Variants in SHCBP1L observed in about 807,000 individuals in gnomAD.
SHCBP1L encodes the protein SHC binding and spindle associated 1 like, also known as testicular spindle-associated protein SHCBP1L.
Under a neutral mutation model 62.5 loss-of-function variants are expected in SHCBP1L, and 67 were observed. That is an observed-to-expected ratio of 1.07 (90% CI 0.88 to 1.31). The LOEUF (loss-of-function observed/expected upper bound fraction) is 1.31, where lower values mean the gene tolerates loss of function less well. Among genes scored for constraint, SHCBP1L ranks in the 40% most tolerant of loss-of-function variants. SHCBP1L has a pLI of 0.00. For missense variants in SHCBP1L, 823 were observed against 809.8 expected, an observed-to-expected ratio of 1.02 and a Z score of -0.20; for synonymous variants, 284 against 289.4, an observed-to-expected ratio of 0.98 and a Z score of 0.19.
chr1:182,922,452 G>A (rs1650555485), intron 6 of SHCBP1L, among the ~76,000 whole-genome samples: 1 of 151,834 alleles, frequency 6.6e-6, no homozygotes, highest in Non-Finnish European at 1.5e-5. Context: ...TACTTGGGAG[G>A]CCAAGGCAGG....
intron 2 of SHCBP1L, among the ~76,000 whole-genome samples, chr1:182,950,908 T>C (rs1651722593): frequency 6.6e-6 from 1 of 151,808 alleles, no homozygotes; most frequent in Admixed American, 6.6e-5. Context: ...AAATTTCAAA[T>C]TTTCCCAGTA....
rs539399750 is a variant in SHCBP1L, at chr1:182,952,805, C to T, written c.329G>A (p.Cys110Tyr). 2 of 1,612,648 alleles carry T rather than the reference C, an allele frequency of 1.2e-6. No homozygotes were observed. The highest frequency in any genetic ancestry group is 2.7e-5 in the African/African-American group (2 of 74,676). Residue 110 changes from cysteine to tyrosine, a missense_variant, in exon 1 of 10, where the codon TGC becomes TAC. Cys to Tyr is a radical substitution (Grantham distance 194). Transcript: ENST00000367547. Reference sequence around the variant, plus strand: ...CCACATCCCCCTCATACGGGACACGCAGACTGGGGGCAGGGGCTGCGCCTC... The same window carrying T: ...CCACATCCCCCTCATACGGGACACGTAGACTGGGGGCAGGGGCTGCGCCTC... Reference protein sequence around the residue: ...EEEAQPLPPVCVSRMRGMWRD... With the variant: ...EEEAQPLPPVYVSRMRGMWRD...
chr1:182,948,513 G>C (rs1651643297), intron 2 of SHCBP1L, among the ~76,000 whole-genome samples: 1 of 152,176 alleles, frequency 6.6e-6, no homozygotes, highest in African/African-American at 2.4e-5. Flanking sequence ...ACAGAATGCA[G>C]GCTGCTTCTA....
chr1:182,900,392 A>G (rs1013573971), intron 9 of SHCBP1L, among the ~76,000 whole-genome samples, 158 bp from the exon 10 acceptor site: 1 of 152,180 alleles, frequency 6.6e-6, no homozygotes, highest in Non-Finnish European at 1.5e-5. Flanking sequence ...TACTGTTTTC[A>G]TGACACCAAC....
intron 2 of SHCBP1L, chr1:182,942,112 C>T (rs1651389386): frequency 1.1e-6 from 1 of 890,950 alleles, no homozygotes; most frequent in African/African-American, 1.7e-5. Context: ...ATTAATCAGA[C>T]TTGGCTTCTT....
At chr1:182,905,410 CAAT>C in intron 7 of SHCBP1L, 83 bp downstream of exon 7, 1 of 1,304,446 alleles carries the variant, frequency 7.7e-7, no homozygotes, top group Non-Finnish European at 1.1e-6. Context: ...TTGTAATTTC[CAAT>C]AATTCCATTA....
intron 8 of SHCBP1L, 37 bp downstream of exon 8, chr1:182,904,133 TGTCATCTATA>T: frequency 6.3e-7 from 1 of 1,580,992 alleles, no homozygotes; most frequent in Non-Finnish European, 8.6e-7. Context: ...CACTCAAAGC[TGTCATCTATA>T]GTCATATAAG....
intron 2 of SHCBP1L, chr1:182,942,285 C>T (rs1217490410): frequency 1.6e-5 from 17 of 1,094,430 alleles, no homozygotes; most frequent in Non-Finnish European, 2.4e-5. Context: ...TCCTTCGCTG[C>T]TGCCTTTTTC....
In SHCBP1L at chr1:182,940,377, C is replaced by A; in HGVS notation, c.722G>T (p.Gly241Val). 6.2e-7 allele frequency: 1 copy of A among 1,613,956 alleles called. No homozygotes were observed. Among genetic ancestry groups the A allele is most frequent in the Non-Finnish European group, 8.5e-7 (1 of 1,179,936 alleles). ...AATAACATGTATATCAGTATCTTGT[C>A]CCTCAACAGGATACACTTCCAAAAG... Reference protein sequence around the residue: ...VPLLEVYPVEGQDTDIHVIAL... With the variant: ...VPLLEVYPVEVQDTDIHVIAL... Residue 241 changes from glycine (G) to valine (V), a missense_variant, in exon 3 of 10, where the codon GGA becomes GTA. Gly to Val is a moderately radical substitution (Grantham distance 109). Coordinates refer to ENST00000367547, the MANE Select transcript of SHCBP1L (RefSeq NM_030933.4).
chr1:182,904,621 C>A lies in SHCBP1L; in HGVS notation c.1337-191G>T, dbSNP rs577431379. 3.6e-4 allele frequency among the ~76,000 whole-genome samples: 55 copies of A among 151,736 alleles called. No individual in the cohort carries two copies. In the South Asian group the frequency reaches 4.0e-3, roughly 11 times the overall value. ...GATGGTTCTCGCTATGTTGCCCAGG[C>A]TAGTCTCGAACTCCTGGGCTCAAGT... On this transcript the variant is annotated intron_variant, in intron 7 of 9. Coordinates refer to ENST00000367547, the MANE Select transcript of SHCBP1L (RefSeq NM_030933.4).
At chr1:182,944,754 T>A (rs1408013743) in intron 2 of SHCBP1L, among the ~76,000 whole-genome samples, 7 of 152,024 alleles carry the variant, frequency 4.6e-5, no homozygotes, top group African/African-American at 1.7e-4. Flanking sequence ...ATTTCCTTAA[T>A]ATACAACCAC....
chr1:182,937,458 C>T (rs74518683), intron 5 of SHCBP1L, among the ~76,000 whole-genome samples: 2,099 of 152,028 alleles, frequency 0.014, 53 homozygotes, highest in African/African-American at 0.048. Context: ...CTTTATTTGT[C>T]GTTTCATGCA....
chr1:182,948,092 A>C (rs577650555), intron 2 of SHCBP1L, among the ~76,000 whole-genome samples: 52 of 152,366 alleles, frequency 3.4e-4, no homozygotes, highest in African/African-American at 1.1e-3. Context: ...CGATATCAGC[A>C]AGGCTTCCAG....
At chr1:182,934,898 C>T (rs114084873) in intron 5 of SHCBP1L, among the ~76,000 whole-genome samples, 4,891 of 152,158 alleles carry the variant, frequency 0.032, 87 homozygotes, top group Admixed American at 0.052. Flanking sequence ...TATTCCAGCA[C>T]CATTTGTTGA....
chr1:182,948,590 A>T (rs961437000), intron 2 of SHCBP1L, among the ~76,000 whole-genome samples: 4 of 152,226 alleles, frequency 2.6e-5, no homozygotes, highest in African/African-American at 9.6e-5. Context: ...AGCCTTGCAT[A>T]CACCTTGATT....
chr1:182,952,155 CCAAA>C (rs1558007449), intron 1 of SHCBP1L, among the ~76,000 whole-genome samples: 4 of 19,076 alleles, frequency 2.1e-4, no homozygotes, highest in African/African-American at 4.9e-4. Flanking sequence ...AACTCCGTCT[CCAAA>C]AAAAAAAAAA....
At chr1:182,948,961 C>G (rs1189843605) in intron 2 of SHCBP1L, among the ~76,000 whole-genome samples, 2 of 152,110 alleles carry the variant, frequency 1.3e-5, no homozygotes, top group African/African-American at 4.8e-5. Context: ...TTCCTCTGTT[C>G]TTATGCTTCA....
At chr1:182,946,979 G>A (rs2101959132) in intron 2 of SHCBP1L, among the ~76,000 whole-genome samples, 1 of 152,272 alleles carries the variant, frequency 6.6e-6, no homozygotes, top group South Asian at 2.1e-4. Flanking sequence ...GCTTACGCCT[G>A]TAATCTCAGC....
At chr1:182,951,533 T>G (rs1439090225) in intron 1 of SHCBP1L, 66 bp from the exon 2 acceptor site, 1 of 1,104,476 alleles carries the variant, frequency 9.1e-7, no homozygotes, top group Non-Finnish European at 1.2e-6. Context: ...CTAAGTGGTT[T>G]TTTTTTTTTT....
Sources: gnomAD v4.1 joint callset for allele counts (sites outside exome capture counted in the v4.1 genomes callset) on GRCh38, gnomAD v4.1.1 for gene constraint, MANE v1.5 for transcripts, NCBI Gene and HGNC (gene_info 2026-07-23, HGNC 2026-07-21) for gene names.